DGKG: variants seen among roughly 807,000 people sequenced by gnomAD.
The protein encoded by DGKG is diacylglycerol kinase gamma.
DGKG carries 78 observed loss-of-function variants against 105.3 expected under a neutral mutation model. The ratio of observed to expected loss-of-function variants is 0.74; its 90% CI spans 0.62 to 0.89. The LOEUF is 0.89. DGKG is among the 40% of genes least tolerant of loss of function. The probability of loss-of-function intolerance (pLI) is 0.00; values close to 1 mark genes in which losing one functional copy is unlikely to be tolerated. For synonymous variants in DGKG, 346 were observed against 367.1 expected (o/e 0.94, Z 0.66); for missense variants, 958 against 1,020.1 (o/e 0.94, Z 0.83).
chr3:186,269,675 G>T (rs1046773217), intron 11 of DGKG, among the ~76,000 whole-genome samples: 2 of 152,182 alleles, frequency 1.3e-5, no homozygotes, highest in Non-Finnish European at 2.9e-5. Context: ...TAATTATAAC[G>T]TGAAGCCGAG....
chr3:186,303,088 G>C (rs1309042194), intron 3 of DGKG, among the ~76,000 whole-genome samples: 1 of 152,146 alleles, frequency 6.6e-6, no homozygotes, highest in African/African-American at 2.4e-5. Context: ...AGGGTCCAGA[G>C]CTGGCATAGT....
intron 21 of DGKG, 65 bp from the exon 22 acceptor site, chr3:186,188,444 G>A: frequency 6.9e-7 from 1 of 1,455,512 alleles, no homozygotes; most frequent in Non-Finnish European, 9.4e-7. Context: ...AAGGTGCTCT[G>A]TGTGTGTGCG....
chr3:186,347,179 C>T (rs917665684), intron 1 of DGKG, among the ~76,000 whole-genome samples: 1 of 151,782 alleles, frequency 6.6e-6, no homozygotes, highest in Non-Finnish European at 1.5e-5. Flanking sequence ...CCAGGCGGGG[C>T]GGCTCACCCC....
chr3:186,148,477 T>C lies in DGKG; in HGVS notation c.*1613A>G. The C allele has an allele frequency of 1.0e-6, 1 of 985,440 alleles. No individual in the cohort carries two copies. The highest frequency in any genetic ancestry group is 1.2e-6 in the Non-Finnish European group (1 of 829,946). 61.0% of individuals were successfully genotyped at this position (985,440 alleles called of 1,614,324 possible). A position where few individuals can be genotyped will look rare whatever the true frequency, so the allele number is the denominator to read the frequency against. On this transcript the variant is annotated 3_prime_UTR_variant, in exon 25 of 25. Coordinates refer to ENST00000265022, the MANE Select transcript of DGKG (RefSeq NM_001346.3). ...AGCATGAGGCGCTCGTTTTCTTGTG[T>C]GGGGATATCCCATCCACGCATGTGC...
intron 14 of DGKG, among the ~76,000 whole-genome samples, chr3:186,263,725 C>T (rs988074112): frequency 1.3e-5 from 2 of 151,110 alleles, no homozygotes; most frequent in African/African-American, 4.9e-5. Context: ...GCATTGGGAG[C>T]AGAGTGGGGT....
At position 186,161,610 on chromosome 3, in the gene DGKG, C is replaced by T. The variant is rs1178073685; in HGVS notation, c.2270G>A (p.Cys757Tyr). The change falls in exon 24 of 25, where the codon TGT becomes TAT. Residue 757 changes from cysteine to tyrosine, a missense_variant. By Grantham distance (194) the Cys-to-Tyr change is radical. Coordinates refer to ENST00000265022, the MANE Select transcript of DGKG (RefSeq NM_001346.3). ...AAGATTGGCAAGACTCACCGTGCAACATGGCTGCATCCAGGGTTCTCCATC... is the reference window on the plus strand; with the variant it reads ...AAGATTGGCAAGACTCACCGTGCAATATGGCTGCATCCAGGGTTCTCCATC... The part of the protein sequence containing the change: ...QVDGEPWMQP[C>Y]CTIKITHKNQ... The T allele has an allele frequency of 5.0e-6, 8 of 1,614,222 alleles. No homozygotes were observed. Among genetic ancestry groups the T allele is most frequent in the Non-Finnish European group, 6.8e-6 (8 of 1,180,034 alleles).
At chr3:186,243,274 C>A (rs1388175056) in intron 19 of DGKG, among the ~76,000 whole-genome samples, 6 of 151,878 alleles carry the variant, frequency 4.0e-5, no homozygotes, top group Admixed American at 2.0e-4. Flanking sequence ...CCCTCCAAGG[C>A]CAATAAGAGT....
chr3:186,295,268 C>G (rs760344220), intron 5 of DGKG, among the ~76,000 whole-genome samples: 1 of 151,930 alleles, frequency 6.6e-6, no homozygotes, highest in Non-Finnish European at 1.5e-5. Flanking sequence ...TTTGGGAGGC[C>G]GAGGTGGGCA....
At chr3:186,286,267 G>A (rs1338559066) in intron 6 of DGKG, among the ~76,000 whole-genome samples, 1 of 152,178 alleles carries the variant, frequency 6.6e-6, no homozygotes, top group Admixed American at 6.5e-5. Context: ...TGCATCGTAT[G>A]CTGCTGACTC....
intron 1 of DGKG, among the ~76,000 whole-genome samples, chr3:186,341,054 C>T (rs766720571): frequency 1.3e-5 from 2 of 152,184 alleles, no homozygotes; most frequent in Non-Finnish European, 2.9e-5. Context: ...AGTTTGTGTT[C>T]AGTGCCTTTT....
intron 20 of DGKG, among the ~76,000 whole-genome samples, chr3:186,230,661 C>T (rs1159622152): frequency 6.6e-6 from 1 of 152,026 alleles, no homozygotes; most frequent in Non-Finnish European, 1.5e-5. Context: ...GCAGGGTGGG[C>T]CTGAATGGGA....
chr3:186,320,372 G>A, intron 2 of DGKG, 21 bp downstream of exon 2: 1 of 1,613,890 alleles, frequency 6.2e-7, no homozygotes, highest in African/African-American at 1.3e-5. Flanking sequence ...CCGTCCCAGG[G>A]CTGTCAATGC....
In DGKG at chr3:186,284,466, G is replaced by T. The variant is rs1387829519; in HGVS notation, c.594+194C>A. ...GCTTCTAGAGCGAAAAGGTAAGTTGGCATTCACGCTCTGCAAGGCCGGCCC... is the reference window on the plus strand; with the variant it reads ...GCTTCTAGAGCGAAAAGGTAAGTTGTCATTCACGCTCTGCAAGGCCGGCCC... On this transcript the variant is annotated intron_variant, in intron 7 of 24. Transcript: ENST00000265022. This position sits in a 1 kb window ranked among gnomAD's most constrained non-coding sequence, Gnocchi z 4.0. Among the ~76,000 whole-genome samples the T allele has an allele frequency of 6.7e-6, 1 of 150,178 alleles. No individual in the cohort carries two copies. Among genetic ancestry groups the T allele is most frequent in the Non-Finnish European group, 1.5e-5 (1 of 68,026 alleles).
Position 186,284,621 on chromosome 3 carries a change from TTC to T in DGKG, c.594+37_594+38del. On this transcript the variant is annotated intron_variant, in intron 7 of 24. Coordinates refer to ENST00000265022, the MANE Select transcript of DGKG (RefSeq NM_001346.3). The surrounding 1 kb of genome is among the most constrained non-coding windows in gnomAD (Gnocchi z 4.0). ...TGCTTGCTCCCTGCTCCCCCAGCCTTTCTCAGGTCCATGAGGGATATTTAGAG... is the reference window on the plus strand; with the variant it reads ...TGCTTGCTCCCTGCTCCCCCAGCCTTTCAGGTCCATGAGGGATATTTAGAG... The T allele has an allele frequency of 6.4e-7, 1 of 1,573,668 alleles. No homozygotes were observed. The highest frequency in any genetic ancestry group is 8.7e-7 in the Non-Finnish European group (1 of 1,143,536).
chr3:186,340,379 G>A (rs1726032657), intron 1 of DGKG, among the ~76,000 whole-genome samples: 1 of 152,164 alleles, frequency 6.6e-6, no homozygotes, highest in African/African-American at 2.4e-5. Context: ...AGAGCACAGA[G>A]TTAGTCATTT....
chr3:186,324,421 T>C (rs976778626), intron 1 of DGKG, among the ~76,000 whole-genome samples: 3 of 151,770 alleles, frequency 2.0e-5, no homozygotes, highest in Admixed American at 2.0e-4. Flanking sequence ...CCCCACCTGG[T>C]GCAATGCCTG....
intron 19 of DGKG, among the ~76,000 whole-genome samples, chr3:186,250,263 A>C (rs1313614412): frequency 6.6e-6 from 1 of 152,162 alleles, no homozygotes; most frequent in Admixed American, 6.5e-5. Flanking sequence ...CTCACTTACA[A>C]GTGGGAGCTG....
chr3:186,354,568 C>T (rs1726816117), intron 1 of DGKG, among the ~76,000 whole-genome samples: 1 of 152,196 alleles, frequency 6.6e-6, no homozygotes, highest in Non-Finnish European at 1.5e-5. Context: ...TCTCTTCCAT[C>T]CCTTTTCTTG....
Position 186,211,781 on chromosome 3 carries a change from A to T in DGKG, c.1917+14T>A. On this transcript the variant is annotated intron_variant, in intron 21 of 24. Coordinates refer to ENST00000265022, the MANE Select transcript of DGKG (RefSeq NM_001346.3). ...CCAAGATCCAGGAAGCCTTCTCCCCACTTGGGAACTTACCTCCAACTCAAT... is the reference window on the plus strand; with the variant it reads ...CCAAGATCCAGGAAGCCTTCTCCCCTCTTGGGAACTTACCTCCAACTCAAT... 6.2e-7 allele frequency: 1 copy of T among 1,607,942 alleles called. No homozygotes were observed. The highest frequency in any genetic ancestry group is 8.5e-7 in the Non-Finnish European group (1 of 1,174,350).
Sources: allele counts gnomAD v4.1 joint callset (sites outside exome capture counted in the v4.1 genomes callset), GRCh38; gene constraint gnomAD v4.1.1; non-coding constraint Gnocchi (gnomAD v3.1); transcripts MANE v1.5; gene names NCBI Gene and HGNC (gene_info 2026-07-23, HGNC 2026-07-21).